CMIP: variants seen among roughly 807,000 people sequenced by gnomAD.
CMIP encodes the protein C-Maf-inducing protein.
A neutral mutation model predicts 97.3 loss-of-function variants in CMIP; 13 were observed. The ratio of observed to expected loss-of-function variants is 0.13; its 90% CI spans 0.09 to 0.21. The LOEUF is 0.21. CMIP is among the 10% of genes least tolerant of loss of function. CMIP has a pLI of 1.00. For synonymous variants in CMIP, 538 were observed against 436.3 expected (o/e 1.23, Z -2.91); for missense variants, 847 against 1,024.9 (o/e 0.83, Z 2.37).
intron 1 of CMIP, chr16:81,603,351 G>T: frequency 2.2e-6 from 1 of 453,780 alleles, no homozygotes; most frequent in Non-Finnish European, 4.4e-6. Context: ...CAAAGTGCTG[G>T]GATTACAGGC....
Position 81,675,357 on chromosome 16 carries a change from C to T in CMIP, c.1035-2918C>T, listed in dbSNP as rs187954889. ...TAGCTGGGATTACAGGTGTGCACTG[C>T]CACACCTGGCTAATTTTTTTTTTTT... On this transcript the variant is annotated intron_variant, in intron 9 of 20. Transcript: ENST00000537098. 9.4e-4 allele frequency among the ~76,000 whole-genome samples: 141 copies of T among 149,540 alleles called. 1 individual carries two copies. Among genetic ancestry groups the T allele is most frequent in the African/African-American group, 3.4e-3 (136 of 40,508 alleles).
intron 1 of CMIP, among the ~76,000 whole-genome samples, chr16:81,507,856 G>T (rs1282776542): frequency 6.6e-6 from 1 of 152,220 alleles, no homozygotes; most frequent in Non-Finnish European, 1.5e-5. Context: ...GGCTGTGAGG[G>T]TAGCACTCAG....
chr16:81,596,681 C>T (rs1174134882), intron 1 of CMIP, among the ~76,000 whole-genome samples: 3 of 152,120 alleles, frequency 2.0e-5, no homozygotes, highest in Admixed American at 2.0e-4. Context: ...TGCCTTTTTC[C>T]AGCGCCATCC....
intron 2 of CMIP, among the ~76,000 whole-genome samples, chr16:81,618,248 C>T (rs182415855): frequency 2.4e-4 from 36 of 152,228 alleles, no homozygotes; most frequent in Non-Finnish European, 1.2e-4. Context: ...TGGAGGCTCT[C>T]GGGGAGAATT....
At chr16:81,651,536 C>A in intron 3 of CMIP, 1 of 207,146 alleles carries the variant, frequency 4.8e-6, no homozygotes, top group Non-Finnish European at 8.5e-6. Context: ...TAATTCCTGG[C>A]CTTAATCCTG....
chr16:81,681,328 C>T (rs1273702698), intron 10 of CMIP, among the ~76,000 whole-genome samples: 2 of 152,246 alleles, frequency 1.3e-5, no homozygotes, highest in Non-Finnish European at 2.9e-5. Context: ...ACCCCAGCCG[C>T]TCAAAGGGCT....
intron 17 of CMIP, 31 bp downstream of exon 17, chr16:81,702,700 A>T (rs772496043): frequency 5.0e-6 from 8 of 1,604,864 alleles, no homozygotes; most frequent in Non-Finnish European, 8.5e-7. Context: ...TTGGGGCTGG[A>T]TGGAGAAGGT....
chr16:81,615,040 G>C (rs2091891855), intron 2 of CMIP, among the ~76,000 whole-genome samples: 1 of 134,894 alleles, frequency 7.4e-6, no homozygotes, highest in South Asian at 2.6e-4. Flanking sequence ...GTACGTGCAT[G>C]TGTATCTGTG....
In CMIP at chr16:81,699,544, C is replaced by G. The variant is rs141092037; in HGVS notation, c.1639-141C>G. The G allele has an allele frequency of 3.0e-4, 185 of 606,966 alleles. 1 individual carries two copies. The East Asian group carries it at 5.1e-3, about 17-fold the overall frequency. 37.6% of individuals were successfully genotyped at this position (606,966 alleles called of 1,614,324 possible). A position where few individuals can be genotyped will look rare whatever the true frequency, so the allele number is the denominator to read the frequency against. On this transcript the variant is annotated intron_variant, in intron 14 of 20. Transcript: ENST00000537098. ...GGGGTTTCTTGCATCCCCCTGGGGC[C>G]TGGTGATCCTAGAACACCTGGCTGT...
intron 1 of CMIP, among the ~76,000 whole-genome samples, chr16:81,502,395 A>G (rs1404300420): frequency 6.6e-6 from 1 of 152,226 alleles, no homozygotes; most frequent in Non-Finnish European, 1.5e-5. Context: ...TCCTGGGGAC[A>G]TGGTGGCACT....
intron 1 of CMIP, among the ~76,000 whole-genome samples, chr16:81,566,466 A>C (rs1215348654): frequency 6.6e-6 from 1 of 152,154 alleles, no homozygotes. Context: ...GAGGTCATGG[A>C]GCTGGAGCCA....
At chr16:81,600,018 C>T (rs540435068) in intron 1 of CMIP, among the ~76,000 whole-genome samples, 2 of 151,988 alleles carry the variant, frequency 1.3e-5, no homozygotes, top group East Asian at 1.9e-4. Flanking sequence ...TGGTGGCTCA[C>T]GCCTGTAATC....
intron 3 of CMIP, chr16:81,645,809 T>C (rs2092358284): frequency 1.2e-5 from 7 of 602,086 alleles, no homozygotes; most frequent in Non-Finnish European, 1.8e-5. Flanking sequence ...GAGCTGCTGT[T>C]TAGCCAGGAA....
At chr16:81,447,964 A>G (rs1259751513) in intron 1 of CMIP, among the ~76,000 whole-genome samples, 1 of 152,226 alleles carries the variant, frequency 6.6e-6, no homozygotes, top group Non-Finnish European at 1.5e-5. Context: ...GGTTTCCCTG[A>G]GGCCTGGACA....
chr16:81,512,329 G>C (rs1239213711), intron 1 of CMIP, among the ~76,000 whole-genome samples: 1 of 152,134 alleles, frequency 6.6e-6, no homozygotes, highest in African/African-American at 2.4e-5. Context: ...TTGATGGGCA[G>C]GTTCTGGTGC....
chr16:81,686,159 G>A (rs995294220), intron 10 of CMIP, among the ~76,000 whole-genome samples: 4 of 152,242 alleles, frequency 2.6e-5, no homozygotes, highest in African/African-American at 7.2e-5. Context: ...CGCAGCAGGC[G>A]CTGCAGACGA....
intron 1 of CMIP, among the ~76,000 whole-genome samples, chr16:81,482,750 G>A (rs966241594): frequency 3.3e-5 from 5 of 152,214 alleles, no homozygotes; most frequent in Admixed American, 6.5e-5. Flanking sequence ...CCCGGGCTTC[G>A]GAGTCACTGG....
chr16:81,653,578 C>G (rs765092293), intron 4 of CMIP, among the ~76,000 whole-genome samples: 53 of 152,212 alleles, frequency 3.5e-4, no homozygotes, highest in Non-Finnish European at 7.2e-4. Flanking sequence ...GCTGGATGTC[C>G]AGCTCCAGGT....
chr16:81,687,493 G>T (rs1226789653), intron 10 of CMIP, among the ~76,000 whole-genome samples: 1 of 152,204 alleles, frequency 6.6e-6, no homozygotes, highest in Admixed American at 6.5e-5. Context: ...CGGAACCCAG[G>T]TGGGGGAACT....
Sources: gnomAD v4.1 joint callset for allele counts (sites outside exome capture counted in the v4.1 genomes callset) on GRCh38, gnomAD v4.1.1 for gene constraint, MANE v1.5 for transcripts, NCBI Gene and HGNC (gene_info 2026-07-23, HGNC 2026-07-21) for gene names.